Variants in CLYBL observed in about 807,000 individuals in gnomAD.
CLYBL encodes citramalyl-CoA lyase.
A neutral mutation model predicts 38.9 loss-of-function variants in CLYBL; 31 were observed. That is an observed-to-expected ratio of 0.80 (90% CI 0.60 to 1.08). The LOEUF (loss-of-function observed/expected upper bound fraction) is 1.08, where lower values mean the gene tolerates loss of function less well. CLYBL is among the 50% of genes least tolerant of loss of function. CLYBL has a pLI of 0.00. For synonymous variants in CLYBL, 171 were observed against 158.6 expected (o/e 1.08, Z -0.59); for missense variants, 434 against 411.6 (o/e 1.05, Z -0.47).
chr13:99,829,015 G>A (rs1051564018), intron 2 of CLYBL, among the ~76,000 whole-genome samples: 5 of 152,190 alleles, frequency 3.3e-5, no homozygotes, highest in African/African-American at 9.7e-5. Flanking sequence ...GCCATGCAAC[G>A]TGCTGCATCC....
At chr13:99,779,907 C>T (rs978926296) in intron 2 of CLYBL, among the ~76,000 whole-genome samples, 22 of 152,226 alleles carry the variant, frequency 1.4e-4, no homozygotes, top group African/African-American at 5.1e-4. Context: ...TGACCAACTA[C>T]ATTAGCCATT....
At chr13:99,824,943 C>T (rs954423929) in intron 2 of CLYBL, among the ~76,000 whole-genome samples, 1 of 145,180 alleles carries the variant, frequency 6.9e-6, no homozygotes, top group Admixed American at 6.9e-5. Context: ...CTTCTCACCC[C>T]CTGCCCCCCA....
intron 1 of CLYBL, among the ~76,000 whole-genome samples, chr13:99,631,047 T>C (rs1345653451): frequency 6.6e-6 from 1 of 152,088 alleles, no homozygotes; most frequent in African/African-American, 2.4e-5. Flanking sequence ...TAAGTCCAGG[T>C]GTGGTGGCTC....
chr13:99,743,966 CTTTTTT>C (rs1162079530), intron 1 of CLYBL, among the ~76,000 whole-genome samples: 4 of 69,182 alleles, frequency 5.8e-5, no homozygotes, highest in African/African-American at 2.4e-4. Flanking sequence ...TCTCTTCTTT[CTTTTTT>C]TTTTTTTTTT....
At chr13:99,688,422 T>C (rs1049511954) in intron 1 of CLYBL, among the ~76,000 whole-genome samples, 2 of 152,234 alleles carry the variant, frequency 1.3e-5, no homozygotes, top group African/African-American at 4.8e-5. Flanking sequence ...TCATATACTT[T>C]GTAAGATTGC....
At chr13:99,881,974 CTT>C (rs2052222390) in intron 7 of CLYBL, among the ~76,000 whole-genome samples, 1 of 152,106 alleles carries the variant, frequency 6.6e-6, no homozygotes, top group African/African-American at 2.4e-5. Context: ...CCCAAATTCT[CTT>C]GTTAAAATTG....
At chr13:99,805,801 A>C (rs2050221515) in intron 2 of CLYBL, among the ~76,000 whole-genome samples, 1 of 152,204 alleles carries the variant, frequency 6.6e-6, no homozygotes, top group Non-Finnish European at 1.5e-5. Flanking sequence ...TGAATCCACC[A>C]AGCTCACACA....
intron 2 of CLYBL, among the ~76,000 whole-genome samples, chr13:99,780,961 G>T (rs924488849): frequency 6.6e-6 from 1 of 150,980 alleles, no homozygotes; most frequent in Non-Finnish European, 1.5e-5. Flanking sequence ...CAATCCACCC[G>T]CCTCGGCCTC....
At chr13:99,859,162 G>T in intron 3 of CLYBL, 113 bp downstream of exon 3, 3 of 701,830 alleles carry the variant, frequency 4.3e-6, no homozygotes, top group South Asian at 2.6e-5. Context: ...CAGAGAGGAA[G>T]GGAATTGAGA....
In CLYBL at chr13:99,866,202, G is replaced by A. The variant is rs1351819532; in HGVS notation, c.635-38G>A. The A allele has an allele frequency of 2.5e-6, 4 of 1,606,074 alleles. No individual in the cohort carries two copies. The African/African-American group carries it at 5.4e-5, about 22-fold the overall frequency. ...TAAATATCTGGGTGCGGTTTCCAAA[G>A]TTAAAGCCTCCTTTTTCTGTTAACA... On this transcript the variant is annotated intron_variant, in intron 5 of 8. Transcript: ENST00000339105.
At chr13:99,758,693 GC>G (rs2049110793) in intron 1 of CLYBL, among the ~76,000 whole-genome samples, 1 of 152,172 alleles carries the variant, frequency 6.6e-6, no homozygotes, top group Non-Finnish European at 1.5e-5. Context: ...CCCAGTGACA[GC>G]CCCCCTCCAG....
chr13:99,900,668 TCCA>T (rs2052631931), downstream of CLYBL, among the ~76,000 whole-genome samples: 1 of 152,146 alleles, frequency 6.6e-6, no homozygotes, highest in African/African-American at 2.4e-5. Flanking sequence ...CCAAATTCTC[TCCA>T]CTAAACCACA....
intron 1 of CLYBL, among the ~76,000 whole-genome samples, chr13:99,616,795 A>G (rs2046718243): frequency 6.6e-6 from 1 of 152,124 alleles, no homozygotes; most frequent in African/African-American, 2.4e-5. Flanking sequence ...GTCTCTACTA[A>G]AAATACAAAA....
intron 1 of CLYBL, chr13:99,690,595 T>C (rs1387592930): frequency 1.3e-5 from 2 of 152,214 alleles, no homozygotes; most frequent in Admixed American, 1.3e-4. Flanking sequence ...CTATTTATCT[T>C]CATGATTTGA....
At chr13:99,743,947 CT>C (rs977075373) in intron 1 of CLYBL, among the ~76,000 whole-genome samples, 7 of 121,754 alleles carry the variant, frequency 5.7e-5, no homozygotes, top group Non-Finnish European at 1.1e-4. Context: ...ACTCCACTTT[CT>C]TTTTTTTTCT....
intron 1 of CLYBL, among the ~76,000 whole-genome samples, chr13:99,684,657 G>A (rs1276041700): frequency 6.6e-6 from 1 of 152,142 alleles, no homozygotes; most frequent in Non-Finnish European, 1.5e-5. Flanking sequence ...AGGGCAGATT[G>A]GTTATGTTCA....
intron 2 of CLYBL, among the ~76,000 whole-genome samples, chr13:99,815,936 A>T (rs916165376): frequency 3.3e-5 from 5 of 152,208 alleles, no homozygotes; most frequent in African/African-American, 9.6e-5. Context: ...TTTGTTAAAG[A>T]TCTATCAGCA....
intron 1 of CLYBL, among the ~76,000 whole-genome samples, chr13:99,739,189 CT>C (rs2048711819): frequency 6.6e-6 from 1 of 151,974 alleles, no homozygotes; most frequent in Admixed American, 6.6e-5. Context: ...TTTTTTTCTC[CT>C]AATTTCAGTG....
intron 1 of CLYBL, among the ~76,000 whole-genome samples, chr13:99,646,447 A>G (rs1164883002): frequency 6.6e-6 from 1 of 151,982 alleles, no homozygotes; most frequent in Admixed American, 6.6e-5. Context: ...TTGCATTTAC[A>G]ATGATTTATA....
Sources: allele counts gnomAD v4.1 joint callset (sites outside exome capture counted in the v4.1 genomes callset), GRCh38; gene constraint gnomAD v4.1.1; transcripts MANE v1.5; gene names NCBI Gene and HGNC (gene_info 2026-07-23, HGNC 2026-07-21).